Variants in RYK observed in about 807,000 individuals in gnomAD.
RYK encodes inactive tyrosine-protein kinase RYK.
In RYK, 21 loss-of-function variants were observed where a neutral mutation model predicts 70.2. The observed-to-expected ratio is 0.30, with a 90% confidence interval of 0.21 to 0.43. The LOEUF (loss-of-function observed/expected upper bound fraction) is 0.43, where lower values mean the gene tolerates loss of function less well. Ranked by LOEUF, RYK falls within the 20% of genes least tolerant of loss-of-function variation. The pLI is 1.00. For synonymous variants in RYK, 267 were observed against 278.0 expected (o/e 0.96, Z 0.39); for missense variants, 604 against 753.3 (o/e 0.80, Z 2.32).
chr3:134,212,265 A>G (rs1455384801), intron 2 of RYK, among the ~76,000 whole-genome samples: 1 of 152,222 alleles, frequency 6.6e-6, no homozygotes, highest in Non-Finnish European at 1.5e-5. Context: ...TACTTGGCCT[A>G]CCCAATGTGG....
chr3:134,225,900 A>G (rs1436877123), intron 1 of RYK, among the ~76,000 whole-genome samples: 1 of 151,996 alleles, frequency 6.6e-6, no homozygotes, highest in African/African-American at 2.4e-5. Flanking sequence ...AAGGTCACCA[A>G]ATTGAGTGTG....
intron 4 of RYK, 65 bp from the exon 5 acceptor site, chr3:134,207,590 A>G (rs2014254840): frequency 1.9e-6 from 2 of 1,065,070 alleles, no homozygotes; most frequent in Admixed American, 2.3e-5. Context: ...CTTAATTACT[A>G]TAATTATCAG....
At chr3:134,250,136 G>C (rs183117089) in intron 1 of RYK, among the ~76,000 whole-genome samples, 15 of 152,228 alleles carry the variant, frequency 9.9e-5, no homozygotes, top group African/African-American at 3.4e-4. Context: ...CTCTTCTAGG[G>C]AGAAGGGCTA....
intron 9 of RYK, among the ~76,000 whole-genome samples, chr3:134,184,492 G>A (rs1032536963): frequency 1.1e-4 from 16 of 152,216 alleles, no homozygotes; most frequent in African/African-American, 2.9e-4. Flanking sequence ...CAGGTACAGC[G>A]GTTCACACCT....
chr3:134,170,623 A>T (rs1408479829), intron 13 of RYK: 1 of 154,822 alleles, frequency 6.5e-6, no homozygotes, highest in Non-Finnish European at 1.4e-5. Flanking sequence ...AAGTACACTG[A>T]GAAGTGGAAG....
At chr3:134,208,080 C>A (rs2014269088) in intron 4 of RYK, among the ~76,000 whole-genome samples, 1 of 152,138 alleles carries the variant, frequency 6.6e-6, no homozygotes, top group South Asian at 2.1e-4. Flanking sequence ...CCAACAAATA[C>A]AGAGGGCCAG....
chr3:134,249,933 T>TTG (rs1222777836), intron 1 of RYK, among the ~76,000 whole-genome samples: 1 of 148,374 alleles, frequency 6.7e-6, no homozygotes, highest in African/African-American at 2.5e-5. Flanking sequence ...TTTTTTTTTT[T>TTG]TTTTTTTTTT....
chr3:134,203,156 TG>T (rs889779843), intron 5 of RYK, among the ~76,000 whole-genome samples: 1 of 152,190 alleles, frequency 6.6e-6, no homozygotes, highest in Non-Finnish European at 1.5e-5. Context: ...GAGACCACCC[TG>T]GCCAATATGG....
At chr3:134,233,087 C>G (rs2015103218) in intron 1 of RYK, among the ~76,000 whole-genome samples, 1 of 152,224 alleles carries the variant, frequency 6.6e-6, no homozygotes, top group Admixed American at 6.5e-5. Context: ...AAATGACTTT[C>G]ATCTGTACTG....
At position 134,250,504 on chromosome 3, in the gene RYK, G is replaced by A. The variant is rs201505334; in HGVS notation, c.151C>T (p.Arg51Trp). 0.019 allele frequency: 23,662 copies of A among 1,268,614 alleles called. 269 individuals are homozygous for A. The highest frequency in any genetic ancestry group is 0.021 in the Non-Finnish European group (21,004 of 1,006,132). The allele number at this position is 1,268,614 out of a possible 1,614,324, so 78.6% of individuals were successfully genotyped here. A position where few individuals can be genotyped will look rare whatever the true frequency, so the allele number is the denominator to read the frequency against. The change falls in exon 1 of 15, where the codon CGG becomes TGG. Residue 51 changes from arginine to tryptophan, a missense_variant. By Grantham distance (101) the Arg-to-Trp change is moderately radical. Coordinates refer to ENST00000623711, the MANE Select transcript of RYK (RefSeq NM_002958.4). ...APGAAAAPAP[R>W]PPELQSASAG... ...GAAGCCGACTGCAGCTCCGGGGGCC[G>A]CGGGGCGGGGGCGGCGGCAGCGCCA...
intron 6 of RYK, among the ~76,000 whole-genome samples, chr3:134,196,889 C>T (rs190864428): frequency 3.7e-4 from 56 of 152,230 alleles, no homozygotes; most frequent in Admixed American, 3.1e-3. Flanking sequence ...AACCATTCTG[C>T]TCAGCACAAC....
intron 1 of RYK, among the ~76,000 whole-genome samples, chr3:134,249,917 GTTTTTTTTTT>G (rs71624038): frequency 3.2e-5 from 3 of 93,366 alleles, no homozygotes; most frequent in African/African-American, 5.3e-5. Flanking sequence ...TTTCTCTCTC[GTTTTTTTTTT>G]TTTTTTTTTT....
At chr3:134,204,702 G>A (rs2014152182) in intron 5 of RYK, among the ~76,000 whole-genome samples, 2 of 151,718 alleles carry the variant, frequency 1.3e-5, no homozygotes, top group South Asian at 4.2e-4. Context: ...GATGCAAACA[G>A]AAGTAGAACT....
At chr3:134,228,370 T>C (rs577608122) in intron 1 of RYK, among the ~76,000 whole-genome samples, 2 of 152,148 alleles carry the variant, frequency 1.3e-5, no homozygotes, top group East Asian at 3.9e-4. Flanking sequence ...GAAATTAGTA[T>C]GTCGAAGAGG....
At chr3:134,162,327 A>C (rs554134973) in intron 13 of RYK, among the ~76,000 whole-genome samples, 1 of 151,756 alleles carries the variant, frequency 6.6e-6, no homozygotes, top group Non-Finnish European at 1.5e-5. Context: ...AGGAAGGAAT[A>C]TATCTCATTC....
intron 6 of RYK, among the ~76,000 whole-genome samples, chr3:134,195,634 C>T (rs2013786939): frequency 6.6e-6 from 1 of 152,164 alleles, no homozygotes. Flanking sequence ...ATCAAATGTG[C>T]CAACATGCTC....
At chr3:134,232,330 C>G (rs1053909597) in intron 1 of RYK, among the ~76,000 whole-genome samples, 19 of 152,160 alleles carry the variant, frequency 1.2e-4, no homozygotes, top group African/African-American at 4.6e-4. Context: ...AACACCCAAT[C>G]TTGAACTCAC....
intron 1 of RYK, among the ~76,000 whole-genome samples, chr3:134,249,289 A>G (rs2015545724): frequency 1.3e-5 from 2 of 152,200 alleles, no homozygotes; most frequent in Admixed American, 1.3e-4. Context: ...AAATCCGTAC[A>G]TGTAATGTCT....
Position 134,159,265 on chromosome 3 carries a change from C to T in RYK, c.1684G>A (p.Ala562Thr), listed in dbSNP as rs755461371. 30 of 1,613,750 alleles carry T rather than the reference C, an allele frequency of 1.9e-5. No individual in the cohort carries two copies. In the East Asian group the frequency reaches 6.0e-4, roughly 32 times the overall value. Residue 562 changes from alanine to threonine, a missense_variant, in exon 14 of 15, where the codon GCC becomes ACC. Ala to Thr is a moderately conservative substitution (Grantham distance 58, BLOSUM62 0). Coordinates refer to ENST00000623711, the MANE Select transcript of RYK (RefSeq NM_002958.4). ...AAYLKDGYRI[A>T]QPINCPDELF... ...TCATCAGGACAGTTGATTGGCTGGGCTATTCGGTAACCATCTTTCAGGTAT... is the reference window on the plus strand; with the variant it reads ...TCATCAGGACAGTTGATTGGCTGGGTTATTCGGTAACCATCTTTCAGGTAT...
Sources: gnomAD v4.1 joint callset for allele counts (sites outside exome capture counted in the v4.1 genomes callset) on GRCh38, gnomAD v4.1.1 for gene constraint, MANE v1.5 for transcripts, NCBI Gene and HGNC (gene_info 2026-07-23, HGNC 2026-07-21) for gene names.